RORA: variants seen among roughly 807,000 people sequenced by gnomAD.
The protein encoded by RORA is nuclear receptor ROR-alpha.
Under a neutral mutation model 69.5 loss-of-function variants are expected in RORA, and 7 were observed. The ratio of observed to expected loss-of-function variants is 0.10; its 90% CI spans 0.06 to 0.19. The LOEUF (loss-of-function observed/expected upper bound fraction) is 0.19. Ranked by LOEUF, RORA falls within the 10% of genes least tolerant of loss-of-function variation. RORA has a pLI of 1.00. For synonymous variants in RORA, 261 were observed against 240.8 expected, an observed-to-expected ratio of 1.08 and a Z score of -0.78; for missense variants, 457 against 663.0, an observed-to-expected ratio of 0.69 and a Z score of 3.41.
At chr15:60,586,891 T>C (rs2068351227) in intron 2 of RORA, among the ~76,000 whole-genome samples, 1 of 152,168 alleles carries the variant, frequency 6.6e-6, no homozygotes, top group Admixed American at 6.5e-5. Context: ...TCAGATCTAC[T>C]TGAAAACTTT....
chr15:60,526,813 C>T (rs2066373227), intron 3 of RORA, among the ~76,000 whole-genome samples: 1 of 152,136 alleles, frequency 6.6e-6, no homozygotes, highest in African/African-American at 2.4e-5. Context: ...ATATTAGAAT[C>T]CTCTAAAAGA....
chr15:60,605,921 G>C (rs1423063552), intron 2 of RORA, among the ~76,000 whole-genome samples: 2 of 152,180 alleles, frequency 1.3e-5, no homozygotes, highest in Non-Finnish European at 2.9e-5. Flanking sequence ...GTTTTCCGCA[G>C]AGGCACATCA....
chr15:61,025,438 G>T (rs945409593), intron 1 of RORA, among the ~76,000 whole-genome samples: 2 of 152,136 alleles, frequency 1.3e-5, no homozygotes, highest in African/African-American at 4.8e-5. Flanking sequence ...AAAGCAGCAG[G>T]GCAAACCCTG....
intron 1 of RORA, among the ~76,000 whole-genome samples, chr15:60,918,861 C>G (rs1891955010): frequency 6.6e-6 from 1 of 152,000 alleles, no homozygotes; most frequent in Non-Finnish European, 1.5e-5. Flanking sequence ...CAGGGTACAG[C>G]CAGGAATTAC....
At chr15:61,042,870 A>T (rs1185409525) in intron 1 of RORA, among the ~76,000 whole-genome samples, 2 of 152,220 alleles carry the variant, frequency 1.3e-5, no homozygotes, top group African/African-American at 4.8e-5. Context: ...AAACAGTAGC[A>T]AAGACACCCA....
chr15:60,996,469 A>G (rs1012410038), intron 1 of RORA, among the ~76,000 whole-genome samples: 1 of 152,246 alleles, frequency 6.6e-6, no homozygotes, highest in African/African-American at 2.4e-5. Context: ...TATCTCCATT[A>G]TATCTGATTC....
chr15:60,690,053 C>T (rs1314480816), intron 1 of RORA, among the ~76,000 whole-genome samples: 2 of 152,142 alleles, frequency 1.3e-5, no homozygotes, highest in African/African-American at 4.8e-5. Flanking sequence ...ACTTTGTTAC[C>T]ACAGTTCCAT....
intron 1 of RORA, among the ~76,000 whole-genome samples, chr15:60,996,784 C>CA (rs1894556881): frequency 6.6e-6 from 1 of 151,984 alleles, no homozygotes; most frequent in African/African-American, 2.4e-5. Flanking sequence ...GTGGCAGGCG[C>CA]CTGTAGTCGC....
intron 1 of RORA, among the ~76,000 whole-genome samples, chr15:61,201,559 A>G (rs2079895633): frequency 6.6e-6 from 1 of 152,228 alleles, no homozygotes; most frequent in East Asian, 1.9e-4. Context: ...TAACTGCACA[A>G]GGTTTTTCAA....
chr15:60,890,221 T>C (rs1386848594), intron 1 of RORA, among the ~76,000 whole-genome samples: 1 of 152,226 alleles, frequency 6.6e-6, no homozygotes, highest in Non-Finnish European at 1.5e-5. Context: ...CTAACCCCCT[T>C]ATTTTACATG....
intron 3 of RORA, among the ~76,000 whole-genome samples, chr15:60,514,958 A>C (rs2141339045): frequency 6.6e-6 from 1 of 152,294 alleles, no homozygotes; most frequent in South Asian, 2.1e-4. Context: ...CTAATCCTCC[A>C]TCCCTTATAC....
chr15:60,747,879 T>C (rs1367629523), intron 1 of RORA, among the ~76,000 whole-genome samples: 3 of 152,184 alleles, frequency 2.0e-5, no homozygotes, highest in Non-Finnish European at 4.4e-5. Context: ...AAAATAATAA[T>C]GCTTCTTTGT....
At chr15:60,811,727 T>G (rs909409219) in intron 1 of RORA, among the ~76,000 whole-genome samples, 1 of 152,232 alleles carries the variant, frequency 6.6e-6, no homozygotes, top group Non-Finnish European at 1.5e-5. Flanking sequence ...AATTCTCATT[T>G]CTGACTAGTC....
chr15:60,998,241 G>A (rs1894624897), intron 1 of RORA, among the ~76,000 whole-genome samples: 1 of 151,990 alleles, frequency 6.6e-6, no homozygotes, highest in African/African-American at 2.4e-5. Flanking sequence ...ACAGCTCACT[G>A]TAGCCTCAAA....
intron 3 of RORA, chr15:60,520,434 G>A (rs968049434): frequency 2.0e-5 from 3 of 152,006 alleles, no homozygotes; most frequent in African/African-American, 7.3e-5. Context: ...GAGGATTAAG[G>A]GTTTGGAAAA....
intron 1 of RORA, among the ~76,000 whole-genome samples, chr15:60,948,386 A>G (rs562533387): frequency 6.6e-6 from 1 of 152,344 alleles, no homozygotes; most frequent in East Asian, 1.9e-4. Flanking sequence ...CCAAAATGCC[A>G]ACATTTACAA....
At chr15:60,969,071 G>A (rs1893637381) in intron 1 of RORA, among the ~76,000 whole-genome samples, 1 of 152,108 alleles carries the variant, frequency 6.6e-6, no homozygotes, top group South Asian at 2.1e-4. Flanking sequence ...TCTTTGGCAG[G>A]ACTATCTCAG....
chr15:60,656,497 G>A (rs1336678158), intron 2 of RORA, among the ~76,000 whole-genome samples: 1 of 148,204 alleles, frequency 6.7e-6, no homozygotes, highest in Admixed American at 6.8e-5. Context: ...GAATCTTTAA[G>A]TCATTGAACC....
chr15:60,974,065 G>C (rs1893805430), intron 1 of RORA, among the ~76,000 whole-genome samples: 1 of 152,200 alleles, frequency 6.6e-6, no homozygotes, highest in Non-Finnish European at 1.5e-5. Flanking sequence ...GCTGCTCCTT[G>C]AATCCCGGGG....
Sources: gnomAD v4.1 joint callset for allele counts (sites outside exome capture counted in the v4.1 genomes callset) on GRCh38, gnomAD v4.1.1 for gene constraint, MANE v1.5 for transcripts, NCBI Gene and HGNC (gene_info 2026-07-23, HGNC 2026-07-21) for gene names.